The following NUAK1 variants were observed in gnomAD, a reference collection of about 807,000 sequenced individuals.
NUAK1 encodes the protein NUAK family kinase 1.
Under a neutral mutation model 56.9 loss-of-function variants are expected in NUAK1, and 26 were observed. That is an observed-to-expected ratio of 0.46 (90% CI 0.33 to 0.63). NUAK1 has a LOEUF of 0.63. Among genes scored for constraint, NUAK1 ranks in the 30% least tolerant of loss-of-function variants. NUAK1 has a pLI of 0.02. For missense variants in NUAK1, 727 were observed against 876.1 expected (o/e 0.83, Z 2.15); for synonymous variants, 337 against 336.0 (o/e 1.00, Z -0.03).
At chr12:106,087,347 A>G (rs2032583681) in intron 2 of NUAK1, among the ~76,000 whole-genome samples, 1 of 152,196 alleles carries the variant, frequency 6.6e-6, no homozygotes, top group Non-Finnish European at 1.5e-5. Flanking sequence ...ATCTCAGGCA[A>G]ATAAAACCCA....
intron 4 of NUAK1, among the ~76,000 whole-genome samples, chr12:106,082,520 C>T (rs150777777): frequency 6.6e-5 from 10 of 152,266 alleles, no homozygotes; most frequent in Admixed American, 1.3e-4. Flanking sequence ...CCATACAGCC[C>T]GGAATTTCCT....
intron 1 of NUAK1, among the ~76,000 whole-genome samples, chr12:106,113,286 A>C (rs1184580064): frequency 1.3e-5 from 2 of 152,206 alleles, no homozygotes; most frequent in African/African-American, 4.8e-5. Context: ...CCAGGCAAGA[A>C]CCAAAGAAAT....
intron 1 of NUAK1, among the ~76,000 whole-genome samples, chr12:106,126,412 C>T (rs972788653): frequency 1.3e-5 from 2 of 152,206 alleles, no homozygotes; most frequent in Non-Finnish European, 2.9e-5. Context: ...AGTCTAGGCT[C>T]ATAATTTCGA....
chr12:106,096,607 T>C (rs1007112591), intron 2 of NUAK1, among the ~76,000 whole-genome samples: 2 of 152,188 alleles, frequency 1.3e-5, no homozygotes, highest in Admixed American at 6.5e-5. Flanking sequence ...AACACAAGCA[T>C]AATACACTAC....
intron 2 of NUAK1, among the ~76,000 whole-genome samples, chr12:106,101,986 C>T (rs762317897): frequency 8.0e-4 from 122 of 152,262 alleles, no homozygotes; most frequent in Non-Finnish European, 1.3e-3. Flanking sequence ...CAATCTCCTG[C>T]TCCCAACCCC....
intron 1 of NUAK1, among the ~76,000 whole-genome samples, chr12:106,131,537 T>C (rs1384388223): frequency 1.3e-5 from 2 of 152,226 alleles, no homozygotes; most frequent in Non-Finnish European, 2.9e-5. Flanking sequence ...CTTTTTACTG[T>C]TGAATAACAG....
chr12:106,113,286 A>G (rs1184580064), intron 1 of NUAK1, among the ~76,000 whole-genome samples: 3 of 152,206 alleles, frequency 2.0e-5, no homozygotes, highest in Non-Finnish European at 4.4e-5. Context: ...CCAGGCAAGA[A>G]CCAAAGAAAT....
At position 106,064,385 on chromosome 12, in the gene NUAK1, A is replaced by G. The variant is rs2032311670; in HGVS notation, c.*2417T>C. On this transcript the variant is annotated 3_prime_UTR_variant, in exon 7 of 7. Transcript: ENST00000261402. ...TGGAAGGAAAACTTAACCCCTGCAAACAATGCAGATGCCTAAGGCCACCTA... is the reference window on the plus strand; with the variant it reads ...TGGAAGGAAAACTTAACCCCTGCAAGCAATGCAGATGCCTAAGGCCACCTA... 2 of 152,208 alleles carry G rather than the reference A, an allele frequency of 1.3e-5. No homozygotes were observed. Among genetic ancestry groups the G allele is most frequent in the Admixed American group, 1.3e-4 (2 of 15,288 alleles). 9.4% of individuals were successfully genotyped at this position (152,208 alleles called of 1,614,324 possible). A position where few individuals can be genotyped will look rare whatever the true frequency, so the allele number is the denominator to read the frequency against.
At chr12:106,082,070 AAC>A (rs1456148046) in intron 4 of NUAK1, among the ~76,000 whole-genome samples, 1 of 152,264 alleles carries the variant, frequency 6.6e-6, no homozygotes, top group African/African-American at 2.4e-5. Flanking sequence ...CCAGTATAGT[AAC>A]AGTTAAGCAT....
intron 3 of NUAK1, 123 bp from the exon 4 acceptor site, chr12:106,084,052 G>A (rs1444847087): frequency 4.0e-5 from 33 of 823,304 alleles, no homozygotes; most frequent in South Asian, 1.6e-4. Flanking sequence ...GCACCAGCCC[G>A]GTGGTCTTCA....
At chr12:106,097,214 G>T (rs140968676) in intron 2 of NUAK1, among the ~76,000 whole-genome samples, 1 of 152,172 alleles carries the variant, frequency 6.6e-6, no homozygotes, top group Non-Finnish European at 1.5e-5. Flanking sequence ...CTAGCCCAAG[G>T]TCACACTGCA....
intron 2 of NUAK1, among the ~76,000 whole-genome samples, chr12:106,096,151 A>C (rs2032694653): frequency 6.6e-6 from 1 of 152,110 alleles, no homozygotes; most frequent in Non-Finnish European, 1.5e-5. Flanking sequence ...AAAGGGCAAT[A>C]GAGTCTTTTT....
intron 1 of NUAK1, among the ~76,000 whole-genome samples, chr12:106,129,026 T>C (rs1443145863): frequency 6.6e-6 from 1 of 152,188 alleles, no homozygotes; most frequent in Non-Finnish European, 1.5e-5. Context: ...GCAGAGCTGA[T>C]TACCTGGGCT....
rs1265874235 is a variant in NUAK1, at chr12:106,064,590, A to G, written c.*2212T>C. 6.6e-6 allele frequency: 1 copy of G among 152,248 alleles called. No homozygotes were observed. The highest frequency in any genetic ancestry group is 1.5e-5 in the Non-Finnish European group (1 of 68,060). The allele number at this position is 152,248 out of a possible 1,614,324, so 9.4% of individuals were successfully genotyped here. A position where few individuals can be genotyped will look rare whatever the true frequency, so the allele number is the denominator to read the frequency against. On this transcript the variant is annotated 3_prime_UTR_variant, in exon 7 of 7. Transcript: ENST00000261402. ...TGATGGAAACTACTAAACAGACTCA[A>G]TCACTTGGCAAAAGGAAAAAACACA...
chr12:106,117,823 C>T (rs2032933266), intron 1 of NUAK1, among the ~76,000 whole-genome samples: 1 of 152,170 alleles, frequency 6.6e-6, no homozygotes, highest in African/African-American at 2.4e-5. Flanking sequence ...AAGGGAAGGT[C>T]ATTCATTGTC....
At chr12:106,134,055 A>G (rs964508237) in intron 1 of NUAK1, among the ~76,000 whole-genome samples, 1 of 152,222 alleles carries the variant, frequency 6.6e-6, no homozygotes, top group Non-Finnish European at 1.5e-5. Context: ...GATTTATTAA[A>G]TGAGTGATGG....
At chr12:106,122,935 C>T (rs2032992472) in intron 1 of NUAK1, among the ~76,000 whole-genome samples, 1 of 152,216 alleles carries the variant, frequency 6.6e-6, no homozygotes, top group African/African-American at 2.4e-5. Flanking sequence ...TTTGTTTGCT[C>T]ATCACTATAT....
chr12:106,081,993 G>A (rs12315295), intron 4 of NUAK1, among the ~76,000 whole-genome samples: 2,197 of 152,284 alleles, frequency 0.014, 58 homozygotes, highest in African/African-American at 0.05. Flanking sequence ...GACCTAGGTA[G>A]GCACCTTCAG....
intron 2 of NUAK1, 46 bp downstream of exon 2, chr12:106,106,359 G>C: frequency 6.5e-7 from 1 of 1,531,666 alleles, no homozygotes; most frequent in Non-Finnish European, 8.8e-7. Context: ...CATGGTATGA[G>C]AAATGGTAAC....
Sources: gnomAD v4.1 joint callset for allele counts (sites outside exome capture counted in the v4.1 genomes callset) on GRCh38, gnomAD v4.1.1 for gene constraint, MANE v1.5 for transcripts, NCBI Gene and HGNC (gene_info 2026-07-23, HGNC 2026-07-21) for gene names.